The following FNDC3B variants were observed in gnomAD, a reference collection of about 807,000 sequenced individuals.
FNDC3B encodes fibronectin type III domain containing 3B.
Under a neutral mutation model 151.5 loss-of-function variants are expected in FNDC3B, and 12 were observed. The observed-to-expected ratio is 0.08, with a 90% confidence interval of 0.05 to 0.13. The LOEUF (loss-of-function observed/expected upper bound fraction) is 0.13, where lower values mean the gene tolerates loss of function less well. FNDC3B is among the 10% of genes least tolerant of loss of function. The pLI is 1.00. For missense variants in FNDC3B, 1,214 were observed against 1,505.3 expected (o/e 0.81, Z 3.20); for synonymous variants, 528 against 549.0 (o/e 0.96, Z 0.54).
chr3:172,311,156 T>A (rs1731457404), intron 11 of FNDC3B, among the ~76,000 whole-genome samples: 1 of 152,248 alleles, frequency 6.6e-6, no homozygotes, highest in Non-Finnish European at 1.5e-5. Context: ...ATCTCCAGTG[T>A]CTAGCCAGCC....
intron 22 of FNDC3B, 48 bp from the exon 23 acceptor site, chr3:172,362,585 C>A (rs369857978): frequency 6.8e-5 from 91 of 1,330,690 alleles, no homozygotes; most frequent in Non-Finnish European, 9.6e-5. Flanking sequence ...TGAAGAATTG[C>A]TGCTGCTTTA....
At chr3:172,055,049 C>G (rs1716846610) in intron 1 of FNDC3B, among the ~76,000 whole-genome samples, 1 of 152,172 alleles carries the variant, frequency 6.6e-6, no homozygotes, top group Admixed American at 6.5e-5. Flanking sequence ...TCTCTAACCT[C>G]ACACTTTCAC....
chr3:172,251,606 C>T, intron 6 of FNDC3B, 65 bp downstream of exon 6: 1 of 1,419,488 alleles, frequency 7.0e-7, no homozygotes, highest in Non-Finnish European at 9.5e-7. Context: ...ATGATGTTTC[C>T]ACATCTTTTA....
chr3:172,045,509 A>G (rs928718050), intron 1 of FNDC3B, among the ~76,000 whole-genome samples: 3 of 152,208 alleles, frequency 2.0e-5, no homozygotes, highest in African/African-American at 7.2e-5. Context: ...ACCTTAGCCT[A>G]TTACTTGAGC....
chr3:172,178,256 A>T lies in FNDC3B; in HGVS notation c.187+44710A>T, dbSNP rs189534546. ...AAGGGAGGAGAGGCAGGCAGAGGCTAAAGTGTCACTCCAGCTGTGGGCTAA... is the reference window on the plus strand; with the variant it reads ...AAGGGAGGAGAGGCAGGCAGAGGCTTAAGTGTCACTCCAGCTGTGGGCTAA... On this transcript the variant is annotated intron_variant, in intron 3 of 25. Coordinates refer to ENST00000415807, the MANE Select transcript of FNDC3B (RefSeq NM_022763.4). 1.6e-3 allele frequency among the ~76,000 whole-genome samples: 236 copies of T among 152,232 alleles called. 1 individual carries two copies. The highest frequency in any genetic ancestry group is 3.1e-3 in the Admixed American group (47 of 15,284).
intron 3 of FNDC3B, among the ~76,000 whole-genome samples, chr3:172,222,004 T>C (rs574521424): frequency 6.6e-6 from 1 of 152,368 alleles, no homozygotes; most frequent in Admixed American, 6.5e-5. Flanking sequence ...GTCACTTTTA[T>C]AGGATAAATT....
chr3:172,262,894 C>CAAAAAAAAAAAAAA lies in FNDC3B; in HGVS notation c.790+11368_790+11381dup, dbSNP rs67891835. On this transcript the variant is annotated intron_variant, in intron 6 of 25. Transcript: ENST00000415807. ...CCTAGATGACAGAGTGAGACCGACT[C>CAAAAAAAAAAAAAA]AAAAAAAAAAAAAAAAAAAAAAAAA... Among the ~76,000 whole-genome samples the CAAAAAAAAAAAAAA allele has an allele frequency of 3.0e-4, 18 of 60,606 alleles. 1 individual carries two copies. Among genetic ancestry groups the CAAAAAAAAAAAAAA allele is most frequent in the African/African-American group, 1.0e-3 (16 of 15,542 alleles). The allele number at this position is 60,606 out of a possible 152,430, so 39.8% of individuals were successfully genotyped here. A position where few individuals can be genotyped will look rare whatever the true frequency, so the allele number is the denominator to read the frequency against.
At position 172,134,020 on chromosome 3, in the gene FNDC3B, T is replaced by C. The variant is rs201584694; in HGVS notation, c.187+474T>C. ...GGCGTGAATACCAAGAGGCAGGTCA[T>C]TGGGGGCCATCTCAGAGGCTGCCCA... On this transcript the variant is annotated intron_variant, in intron 3 of 25. Coordinates refer to ENST00000415807, the MANE Select transcript of FNDC3B (RefSeq NM_022763.4). Among the ~76,000 whole-genome samples, 18 of 152,294 alleles carry C rather than the reference T, an allele frequency of 1.2e-4. 2 individuals carry two copies. The South Asian group carries it at 1.7e-3, about 14-fold the overall frequency.
intron 6 of FNDC3B, among the ~76,000 whole-genome samples, chr3:172,271,572 G>A (rs763517132): frequency 3.9e-5 from 6 of 152,210 alleles, no homozygotes; most frequent in Non-Finnish European, 7.3e-5. Flanking sequence ...GTTGGGAAAT[G>A]TTGTGGAACC....
intron 6 of FNDC3B, among the ~76,000 whole-genome samples, chr3:172,277,917 G>T (rs1729517799): frequency 6.6e-6 from 1 of 152,146 alleles, no homozygotes; most frequent in South Asian, 2.1e-4. Flanking sequence ...AACACTTGCT[G>T]ATTTCTTGGG....
chr3:172,160,217 C>T (rs992786867), intron 3 of FNDC3B, among the ~76,000 whole-genome samples: 1 of 152,240 alleles, frequency 6.6e-6, no homozygotes, highest in Admixed American at 6.5e-5. Context: ...GGAATAGGAA[C>T]CTCTGTTCAT....
At chr3:172,062,029 G>A (rs1560388642) in intron 1 of FNDC3B, among the ~76,000 whole-genome samples, 1 of 152,126 alleles carries the variant, frequency 6.6e-6, no homozygotes. Flanking sequence ...AAGAAGTTAC[G>A]TGAGGTAATC....
intron 3 of FNDC3B, among the ~76,000 whole-genome samples, chr3:172,181,162 G>A (rs376813415): frequency 1.3e-5 from 2 of 149,644 alleles, no homozygotes; most frequent in Admixed American, 1.3e-4. Flanking sequence ...TTGGGAGGCC[G>A]AGGCAGGTGG....
intron 2 of FNDC3B, among the ~76,000 whole-genome samples, chr3:172,122,333 C>T (rs1339925980): frequency 6.6e-6 from 1 of 152,050 alleles, no homozygotes; most frequent in Non-Finnish European, 1.5e-5. Context: ...AAACAGCCTG[C>T]CAAGGAGCCA....
intron 1 of FNDC3B, among the ~76,000 whole-genome samples, chr3:172,080,929 T>C (rs1319861785): frequency 1.3e-5 from 2 of 152,218 alleles, no homozygotes; most frequent in African/African-American, 4.8e-5. Context: ...AGTTAAGGAC[T>C]TCAGCTGCTT....
At chr3:172,044,221 C>G (rs1716244012) in intron 1 of FNDC3B, among the ~76,000 whole-genome samples, 2 of 149,154 alleles carry the variant, frequency 1.3e-5, no homozygotes, top group Non-Finnish European at 3.0e-5. Flanking sequence ...TTTAGAGTTT[C>G]ATTTGCTAAA....
At chr3:172,196,978 T>C (rs9865609) in intron 3 of FNDC3B, among the ~76,000 whole-genome samples, 138,231 of 151,868 alleles carry the variant, frequency 0.91, 63,203 homozygotes, top group African/African-American at 0.95. Flanking sequence ...GTCAGGAGTT[T>C]GAGACCAGCC....
chr3:172,044,143 A>C (rs1241301248), intron 1 of FNDC3B, among the ~76,000 whole-genome samples: 1 of 152,222 alleles, frequency 6.6e-6, no homozygotes, highest in Non-Finnish European at 1.5e-5. Context: ...AACAGTAAGA[A>C]AGATCTGTCC....
chr3:172,191,601 A>G (rs1011957607), intron 3 of FNDC3B, among the ~76,000 whole-genome samples: 1 of 152,050 alleles, frequency 6.6e-6, no homozygotes, highest in South Asian at 2.1e-4. Context: ...GGCTCAAACA[A>G]TCCTCCTGCT....
Sources: allele counts gnomAD v4.1 joint callset (sites outside exome capture counted in the v4.1 genomes callset), GRCh38; gene constraint gnomAD v4.1.1; transcripts MANE v1.5; gene names NCBI Gene and HGNC (gene_info 2026-07-23, HGNC 2026-07-21).